Variants in SYT14 observed in about 807,000 individuals in gnomAD.
SYT14 encodes synaptotagmin 14, also known as synaptotagmin-14.
Under a neutral mutation model 74.2 loss-of-function variants are expected in SYT14, and 32 were observed. That is an observed-to-expected ratio of 0.43 (90% confidence interval 0.33 to 0.58). The LOEUF (loss-of-function observed/expected upper bound fraction) is 0.58, where lower values mean the gene tolerates loss of function less well. Ranked by LOEUF, SYT14 falls within the 20% of genes least tolerant of loss-of-function variation. The pLI, the probability that SYT14 is intolerant of heterozygous loss-of-function variation, is 0.05. For missense variants in SYT14, 791 were observed against 981.8 expected (o/e 0.81, Z 2.60); for synonymous variants, 298 against 337.7 (o/e 0.88, Z 1.29).
intron 6 of SYT14, among the ~76,000 whole-genome samples, chr1:210,099,563 G>A (rs1180585671): frequency 3.9e-5 from 6 of 152,134 alleles, no homozygotes; most frequent in Admixed American, 2.0e-4. Context: ...AACAATCTCT[G>A]AAAACGGAAC....
intron 5 of SYT14, among the ~76,000 whole-genome samples, chr1:210,022,978 A>G (rs750445238): frequency 2.0e-5 from 3 of 152,114 alleles, no homozygotes; most frequent in African/African-American, 4.8e-5. Context: ...AGGTGCTTCT[A>G]CTATTCTTGC....
chr1:210,044,962 C>G (rs569811042), intron 5 of SYT14, among the ~76,000 whole-genome samples: 1 of 152,158 alleles, frequency 6.6e-6, no homozygotes, highest in Non-Finnish European at 1.5e-5. Flanking sequence ...CATGAAGGAT[C>G]TGTCCTTATG....
intron 5 of SYT14, among the ~76,000 whole-genome samples, chr1:210,073,872 A>G (rs1235048064): frequency 6.6e-6 from 1 of 152,158 alleles, no homozygotes; most frequent in Non-Finnish European, 1.5e-5. Context: ...TTATAGTATC[A>G]ATTATGGTAT....
At chr1:209,943,601 C>A (rs977033516) in intron 1 of SYT14, among the ~76,000 whole-genome samples, 44 of 145,726 alleles carry the variant, frequency 3.0e-4, no homozygotes, top group African/African-American at 1.1e-3. Context: ...TTAATTTATA[C>A]AATTTGTTAT....
chr1:210,014,007 A>G (rs181701215), intron 3 of SYT14, among the ~76,000 whole-genome samples: 4 of 152,304 alleles, frequency 2.6e-5, no homozygotes, highest in East Asian at 1.9e-4. Flanking sequence ...ATTGTCTACT[A>G]TGACAAAATG....
At chr1:210,061,521 C>T (rs905002271) in intron 5 of SYT14, among the ~76,000 whole-genome samples, 3 of 151,704 alleles carry the variant, frequency 2.0e-5, no homozygotes, top group African/African-American at 7.2e-5. Context: ...AGCAAATATC[C>T]ACAGTAAAGG....
At chr1:209,996,695 A>G (rs1044001594) in intron 2 of SYT14, among the ~76,000 whole-genome samples, 7 of 152,146 alleles carry the variant, frequency 4.6e-5, no homozygotes, top group Admixed American at 1.3e-4. Flanking sequence ...ATATTGATGA[A>G]CATAGACACG....
exon 4 of SYT14, chr1:210,016,254 C>T: frequency 5.7e-6 from 7 of 1,232,110 alleles, no homozygotes; most frequent in Non-Finnish European, 7.1e-6. Context: ...TCCAAAAACA[C>T]TAATTGTCAG....
At chr1:210,007,154 G>T (rs1169509349) in intron 2 of SYT14, among the ~76,000 whole-genome samples, 2 of 151,274 alleles carry the variant, frequency 1.3e-5, no homozygotes, top group Non-Finnish European at 3.0e-5. Context: ...TTTATTTTTT[G>T]TAAATACATA....
At chr1:210,066,767 G>A (rs1197281626) in intron 5 of SYT14, among the ~76,000 whole-genome samples, 3 of 151,748 alleles carry the variant, frequency 2.0e-5, no homozygotes, top group African/African-American at 7.3e-5. Context: ...TTGTAGGTAT[G>A]TCTTTATTAG....
At chr1:210,117,557 TGA>T (rs1390352698) in intron 7 of SYT14, among the ~76,000 whole-genome samples, 1 of 152,168 alleles carries the variant, frequency 6.6e-6, no homozygotes, top group African/African-American at 2.4e-5. Flanking sequence ...ACAACAGTAA[TGA>T]GTCATGGCTC....
At chr1:209,979,116 G>A (rs1313946340) in intron 2 of SYT14, among the ~76,000 whole-genome samples, 2 of 152,166 alleles carry the variant, frequency 1.3e-5, no homozygotes, top group Non-Finnish European at 2.9e-5. Context: ...CCCTTTCTTT[G>A]ACTAGGAAAG....
chr1:209,971,563 C>A (rs1201724584), intron 2 of SYT14, among the ~76,000 whole-genome samples: 2 of 152,078 alleles, frequency 1.3e-5, no homozygotes, highest in Non-Finnish European at 2.9e-5. Flanking sequence ...GTTCCTTTTG[C>A]TGCCTAGTTT....
In SYT14 at chr1:209,957,941, CTCCT is replaced by C. The variant is rs574112896; in HGVS notation, c.-486+5192_-486+5195del. 3.8e-3 allele frequency among the ~76,000 whole-genome samples: 571 copies of C among 151,872 alleles called. 7 individuals are homozygous for C. Among genetic ancestry groups the C allele is most frequent in the African/African-American group, 0.013 (544 of 41,426 alleles). ...TTTTCATTCTTTTCTCTTTCTCCCC[CTCCT>C]TCCTTCTTTCTCTCTGTCTTTCTAG... On this transcript the variant is annotated intron_variant, in intron 2 of 9. Transcript: ENST00000637265.
At chr1:210,071,006 A>G (rs72649949) in intron 5 of SYT14, among the ~76,000 whole-genome samples, 7,457 of 151,100 alleles carry the variant, frequency 0.049, 1,026 homozygotes, top group East Asian at 0.42. Context: ...TCTTGATAAA[A>G]ACTTCAGACA....
intron 5 of SYT14, among the ~76,000 whole-genome samples, chr1:210,031,416 G>A (rs996128841): frequency 6.6e-6 from 1 of 152,062 alleles, no homozygotes; most frequent in African/African-American, 2.4e-5. Flanking sequence ...GTATTAGGGT[G>A]ATGCTGGCCT....
intron 5 of SYT14, among the ~76,000 whole-genome samples, chr1:210,066,571 GTTGT>G (rs766762190): frequency 6.6e-5 from 10 of 152,044 alleles, no homozygotes; most frequent in Admixed American, 3.3e-4. Flanking sequence ...TTTTGATGGG[GTTGT>G]TTGTTTTTTT....
chr1:210,170,765 A>C (rs1343922557), exon 10 of SYT14: 1 of 152,152 alleles, frequency 6.6e-6, no homozygotes, highest in African/African-American at 2.4e-5. Context: ...ATATATGTAC[A>C]TGTTATTTAG....
chr1:210,019,385 G>A (rs1422462359), intron 4 of SYT14, among the ~76,000 whole-genome samples: 2 of 152,116 alleles, frequency 1.3e-5, no homozygotes, highest in Admixed American at 6.6e-5. Flanking sequence ...CTGCAACAAT[G>A]AAAAAGTCTT....
Sources: gnomAD v4.1 joint callset for allele counts (sites outside exome capture counted in the v4.1 genomes callset) on GRCh38, gnomAD v4.1.1 for gene constraint, MANE v1.5 for transcripts, NCBI Gene and HGNC (gene_info 2026-07-23, HGNC 2026-07-21) for gene names.